The following DBR1 variants were observed in gnomAD, a reference collection of about 807,000 sequenced individuals.
The protein encoded by DBR1 is debranching RNA lariats 1.
In DBR1, 33 loss-of-function variants were observed where a neutral mutation model predicts 45.9. The ratio of observed to expected loss-of-function variants is 0.72; its 90% CI spans 0.55 to 0.96. The LOEUF (loss-of-function observed/expected upper bound fraction) is 0.96. Ranked by LOEUF, DBR1 falls within the 40% of genes least tolerant of loss-of-function variation. The probability of loss-of-function intolerance (pLI) is 0.00; values close to 1 mark genes in which losing one functional copy is unlikely to be tolerated. For missense variants in DBR1, 619 were observed against 667.4 expected (o/e 0.93, Z 0.80); for synonymous variants, 235 against 235.9 (o/e 1.00, Z 0.04).
rs1190436849 is a variant in DBR1 at position 138,170,174 on chromosome 3, G to A, written c.422C>T (p.Pro141Leu). ...DYRKGHFECP[P>L]YNSSTIRSIY... Reference sequence around the variant, plus strand: ...ACTCCTGATTGTAGATGAATTATAAGGGGGGCACTCAAAATGACCTTAGAT... The same window carrying A: ...ACTCCTGATTGTAGATGAATTATAAAGGGGGCACTCAAAATGACCTTAGAT... The change falls in exon 4 of 8, where the codon CCT becomes CTT. Residue 141 changes from proline (P) to leucine (L), a missense_variant. Around this residue, in one of 3 missense-constraint regions of DBR1, gnomAD observed 430 missense variants for 447.7 expected, o/e 0.96. Coordinates refer to ENST00000260803, the MANE Select transcript of DBR1 (RefSeq NM_016216.4). 1.3e-6 allele frequency: 2 copies of A among 1,592,050 alleles called. No individual in the cohort carries two copies. The highest frequency in any genetic ancestry group is 1.7e-6 in the Non-Finnish European group (2 of 1,167,514).
intron 1 of DBR1, among the ~76,000 whole-genome samples, chr3:138,173,976 G>A (rs373210536): frequency 8.9e-4 from 132 of 148,340 alleles, no homozygotes; most frequent in African/African-American, 1.2e-3. Context: ...GGTCAATATC[G>A]CGGTACTGCA....
intron 2 of DBR1, 139 bp downstream of exon 2, chr3:138,173,363 T>A: frequency 2.4e-6 from 2 of 831,094 alleles, no homozygotes; most frequent in South Asian, 4.2e-5. Context: ...ACTATCTTAA[T>A]TAAATTTTCA....
chr3:138,161,731 A>G lies in DBR1; in HGVS notation c.*158T>C. On this transcript the variant is annotated 3_prime_UTR_variant, in exon 8 of 8. Transcript: ENST00000260803. Reference sequence around the variant, plus strand: ...TGTGGTGGCGGGCACCTGTAGTCCCACCTACTTGGGAGGCTGAGGCAGGAG... The same window carrying G: ...TGTGGTGGCGGGCACCTGTAGTCCCGCCTACTTGGGAGGCTGAGGCAGGAG... 1.6e-6 allele frequency: 1 copy of G among 618,312 alleles called. No individual in the cohort carries two copies. Among genetic ancestry groups the G allele is most frequent in the South Asian group, 2.0e-5 (1 of 50,710 alleles). 38.3% of individuals were successfully genotyped at this position (618,312 alleles called of 1,614,324 possible).
chr3:138,168,520 CAA>C (rs1315660239), intron 4 of DBR1, among the ~76,000 whole-genome samples: 12 of 62,526 alleles, frequency 1.9e-4, no homozygotes, highest in Non-Finnish European at 2.2e-4. Context: ...AACTTTGTCT[CAA>C]AAAAAAAAAA....
In DBR1 at chr3:138,167,284, A is replaced by AT; in HGVS notation, c.510dup (p.Phe171IlefsTer5). On this transcript the variant is annotated frameshift_variant, in exon 5 of 8. Transcript: ENST00000260803. LOFTEE classifies it high-confidence loss of function. ...CTTCTTGGCCAATCATGAGACAAGA[A>AT]TATATCTATAGGCTGCTTCAGCTTT... 6.2e-7 allele frequency: 1 copy of AT among 1,608,544 alleles called. No homozygotes were observed. Among genetic ancestry groups the AT allele is most frequent in the Non-Finnish European group, 8.5e-7 (1 of 1,178,418 alleles).
At chr3:138,172,848 T>C (rs1438459191) in intron 2 of DBR1, among the ~76,000 whole-genome samples, 1 of 152,076 alleles carries the variant, frequency 6.6e-6, no homozygotes, top group African/African-American at 2.4e-5. Context: ...CCAAATGAAA[T>C]GGGCTGGCCT....
At position 138,162,428 on chromosome 3, in the gene DBR1, G is replaced by A. The variant is rs866987440; in HGVS notation, c.1096C>T (p.Gln366Ter). 13 of 1,614,032 alleles carry A rather than the reference G, an allele frequency of 8.1e-6. No individual in the cohort carries two copies. The highest frequency in any genetic ancestry group is 9.3e-6 in the Non-Finnish European group (11 of 1,180,044). Residue 366 changes from glutamine (Q) to a stop codon, truncating the protein, a stop_gained, in exon 8 of 8, where the codon CAG (glutamine) becomes TAG (stop). Coordinates refer to ENST00000260803, the MANE Select transcript of DBR1 (RefSeq NM_016216.4). LOFTEE classifies it high-confidence loss of function. ...QMQLIHRINP[Q>*]TTEFCAQLGI... ...AGTTGGGCACAAAATTCAGTTGTCT[G>A]AGGATTGATCCTATGAATCAGCTGC...
At chr3:138,169,936 A>G (rs1466776545) in intron 4 of DBR1, among the ~76,000 whole-genome samples, 171 bp downstream of exon 4, 1 of 151,886 alleles carries the variant, frequency 6.6e-6, no homozygotes, top group Non-Finnish European at 1.5e-5. Context: ...CTGTCTCAAA[A>G]AAAGAAAAAA....
In DBR1 at chr3:138,171,672, C is replaced by T; in HGVS notation, c.364G>A (p.Gly122Arg). 1 of 1,613,574 alleles carries T rather than the reference C, an allele frequency of 6.2e-7. No individual in the cohort carries two copies. The highest frequency in any genetic ancestry group is 2.2e-5 in the East Asian group (1 of 44,836). Residue 122 changes from glycine (G) to arginine (R), a missense_variant, in exon 3 of 8, where the codon GGA becomes AGA. Gly to Arg is a moderately radical substitution (Grantham distance 125). This residue lies in a region of DBR1 where 430 missense variants were observed against 447.7 expected (regional missense o/e 0.96). Coordinates refer to ENST00000260803, the MANE Select transcript of DBR1 (RefSeq NM_016216.4). ...VVKYRGVRIGGISGIFKSHDY... is the reference protein window; with the variant it reads ...VVKYRGVRIGRISGIFKSHDY... ...TGAGATTTAAAGATACCAGAGATTC[C>T]ACCGATCCTTACACCTCGGTATTTT... is the stretch of plus-strand genomic sequence containing the variant.
Position 138,171,680 on chromosome 3 carries a change from C to T in DBR1, c.356G>A (p.Arg119Lys). The T allele has an allele frequency of 6.2e-7, 1 of 1,613,574 alleles. No homozygotes were observed. Among genetic ancestry groups the T allele is most frequent in the Non-Finnish European group, 8.5e-7 (1 of 1,179,686 alleles). The change falls in exon 3 of 8, where the codon AGG becomes AAG. Residue 119 changes from arginine to lysine, a missense_variant. Physicochemically the swap from Arg to Lys is conservative, Grantham distance 26. Transcript: ENST00000260803. Reference sequence around the variant, plus strand: ...AAAGATACCAGAGATTCCACCGATCCTTACACCTCGGTATTTTACCACACC... The same window carrying T: ...AAAGATACCAGAGATTCCACCGATCTTTACACCTCGGTATTTTACCACACC... ...LAGVVKYRGV[R>K]IGGISGIFKS...
At chr3:138,165,500 C>T (rs2042925914) in intron 5 of DBR1, among the ~76,000 whole-genome samples, 2 of 151,734 alleles carry the variant, frequency 1.3e-5, no homozygotes, top group South Asian at 2.1e-4. Flanking sequence ...GAGGCCGAGG[C>T]GGGTGGATCA....
intron 1 of DBR1, among the ~76,000 whole-genome samples, chr3:138,174,010 A>C (rs1316326187): frequency 7.2e-6 from 1 of 139,840 alleles, no homozygotes; most frequent in Non-Finnish European, 1.6e-5. Flanking sequence ...AACAAAGCGA[A>C]ACTCTGTCTC....
At chr3:138,164,093 A>G (rs906172844) in intron 5 of DBR1, 8 of 349,516 alleles carry the variant, frequency 2.3e-5, no homozygotes, top group African/African-American at 1.7e-4. Flanking sequence ...GGCAAAAACT[A>G]ATGATGATGA....
chr3:138,162,779 T>C (rs923974357), intron 7 of DBR1, among the ~76,000 whole-genome samples, 197 bp from the exon 8 acceptor site: 1 of 152,236 alleles, frequency 6.6e-6, no homozygotes, highest in Non-Finnish European at 1.5e-5. Flanking sequence ...CTTTAACTCA[T>C]ACTCCAAAAC....
rs1369293077 is a variant in DBR1 at position 138,167,214 on chromosome 3, G to C, written c.581C>G (p.Ser194Cys). Residue 194 changes from serine to cysteine, a missense_variant, in exon 5 of 8, where the codon TCT becomes TGT. Around this residue, in one of 3 missense-constraint regions of DBR1, gnomAD observed 430 missense variants for 447.7 expected, o/e 0.96. Transcript: ENST00000260803. ...GNKKQLLKTKSFFRQEVENNT... is the reference protein window; with the variant it reads ...GNKKQLLKTKCFFRQEVENNT... ...ATTTTCCACTTCTTGTCGGAAAAAA[G>C]ATTTAGTCTTAAGAAGTTGCTTCTT... 3.7e-6 allele frequency: 6 copies of C among 1,613,910 alleles called. No homozygotes were observed. In the South Asian group the frequency reaches 5.5e-5, roughly 15 times the overall value.
intron 5 of DBR1, among the ~76,000 whole-genome samples, chr3:138,164,722 C>T (rs148248565): frequency 0.01 from 1,528 of 152,360 alleles, 26 homozygotes; most frequent in African/African-American, 0.035. Flanking sequence ...TCTTGACTCA[C>T]GGCAACCTCT....
At chr3:138,173,430 T>C in intron 2 of DBR1, 72 bp downstream of exon 2, 2 of 1,516,472 alleles carry the variant, frequency 1.3e-6, no homozygotes, top group Non-Finnish European at 1.8e-6. Context: ...CAAGACACAG[T>C]CCAACTAACG....
intron 4 of DBR1, among the ~76,000 whole-genome samples, chr3:138,169,146 G>T (rs2042943631): frequency 6.6e-6 from 1 of 152,224 alleles, no homozygotes; most frequent in East Asian, 1.9e-4. Flanking sequence ...AGTGTGATGG[G>T]CATGAGTGCA....
intron 3 of DBR1, 158 bp downstream of exon 3, chr3:138,171,475 C>CAAAAA (rs906867666): frequency 1.4e-4 from 10 of 69,584 alleles, no homozygotes; most frequent in Non-Finnish European, 1.8e-4. Context: ...AACTCTGTCT[C>CAAAAA]AAAAAAAAAA....
Sources: gnomAD v4.1 joint callset for allele counts (sites outside exome capture counted in the v4.1 genomes callset) on GRCh38, gnomAD v4.1.1 for gene constraint, gnomAD v4.1.1 regional missense constraint, MANE v1.5 for transcripts, NCBI Gene and HGNC (gene_info 2026-07-23, HGNC 2026-07-21) for gene names.